Variants in FHIP1A observed in about 807,000 individuals in gnomAD.
The protein encoded by FHIP1A is FHF complex subunit HOOK-interacting protein 1A.
Under a neutral mutation model 88.6 loss-of-function variants are expected in FHIP1A, and 61 were observed. That is an observed-to-expected ratio of 0.69 (90% CI 0.56 to 0.85). The LOEUF (loss-of-function observed/expected upper bound fraction) is 0.85. Ranked by LOEUF, FHIP1A falls within the 40% of genes least tolerant of loss-of-function variation. The pLI is 0.00. For missense variants in FHIP1A, 1,154 were observed against 1,273.5 expected, an observed-to-expected ratio of 0.91 and a Z score of 1.43; for synonymous variants, 478 against 496.0, an observed-to-expected ratio of 0.96 and a Z score of 0.48.
In FHIP1A at chr4:151,665,844, G is replaced by A. The variant is rs997769186; in HGVS notation, c.*3090G>A. On this transcript the variant is annotated 3_prime_UTR_variant, in exon 14 of 14. Coordinates refer to ENST00000435205, the MANE Select transcript of FHIP1A (RefSeq NM_001109977.3). Reference sequence around the variant, plus strand: ...TTTGGCATGCTTAAAGATATGGTCCGAGAGTGTGGACACTTCTCTATGTGA... The same window carrying A: ...TTTGGCATGCTTAAAGATATGGTCCAAGAGTGTGGACACTTCTCTATGTGA... Among the ~76,000 whole-genome samples the A allele has an allele frequency of 7.2e-5, 11 of 152,364 alleles. No individual in the cohort carries two copies. Among genetic ancestry groups the A allele is most frequent in the African/African-American group, 2.2e-4 (9 of 41,582 alleles).
At chr4:151,541,081 G>A (rs967765296) in intron 3 of FHIP1A, among the ~76,000 whole-genome samples, 3 of 152,136 alleles carry the variant, frequency 2.0e-5, no homozygotes, top group Non-Finnish European at 4.4e-5. Context: ...TTTCTCTAGG[G>A]TGTTCATCTC....
intron 2 of FHIP1A, among the ~76,000 whole-genome samples, chr4:151,476,794 T>C (rs994366706): frequency 6.6e-6 from 1 of 152,184 alleles, no homozygotes; most frequent in African/African-American, 2.4e-5. Context: ...AATCTATAAA[T>C]GTGCCTGGAT....
chr4:151,607,721 C>A lies in FHIP1A; in HGVS notation c.978+18795C>A, dbSNP rs1489370263. Among the ~76,000 whole-genome samples, 3 of 152,034 alleles carry A rather than the reference C, an allele frequency of 2.0e-5. No individual in the cohort carries two copies. In the East Asian group the frequency reaches 5.8e-4, roughly 29 times the overall value. On this transcript the variant is annotated intron_variant, in intron 7 of 13. Coordinates refer to ENST00000435205, the MANE Select transcript of FHIP1A (RefSeq NM_001109977.3). ...TATGTATAATCTAGGGATAATAATA[C>A]CTACCTTATCGGGCTTTTGTAAAGA...
chr4:151,443,385 A>G lies in FHIP1A; in HGVS notation c.-355-11316A>G, dbSNP rs1008351754. ...CAGGCTGGATCGCAATGGTGTGATC[A>G]TAGAACTCCTGGATTTAAGGGATCC... is the stretch of plus-strand genomic sequence containing the variant. On this transcript the variant is annotated intron_variant, in intron 1 of 13. Coordinates refer to ENST00000435205, the MANE Select transcript of FHIP1A (RefSeq NM_001109977.3). Among the ~76,000 whole-genome samples the G allele has an allele frequency of 2.0e-5, 3 of 152,122 alleles. No homozygotes were observed. In the South Asian group the frequency reaches 6.2e-4, roughly 32 times the overall value.
chr4:151,589,066 C>T, intron 7 of FHIP1A, 140 bp downstream of exon 7: 1 of 658,710 alleles, frequency 1.5e-6, no homozygotes, highest in South Asian at 1.9e-5. Flanking sequence ...TTAGCAATAT[C>T]AAACACAGGT....
chr4:151,540,218 T>A (rs1732234299), intron 3 of FHIP1A, among the ~76,000 whole-genome samples: 1 of 152,224 alleles, frequency 6.6e-6, no homozygotes, highest in Non-Finnish European at 1.5e-5. Context: ...TCTCTTAATC[T>A]ACAAACCATC....
At chr4:151,571,946 G>T (rs1003449066) in intron 4 of FHIP1A, among the ~76,000 whole-genome samples, 75 of 152,194 alleles carry the variant, frequency 4.9e-4, no homozygotes, top group African/African-American at 1.8e-3. Flanking sequence ...AGTGGCTCTT[G>T]CCTGTAATCC....
intron 3 of FHIP1A, among the ~76,000 whole-genome samples, chr4:151,502,927 T>C (rs1486691992): frequency 2.0e-4 from 30 of 152,220 alleles, no homozygotes; most frequent in Admixed American, 2.0e-3. Flanking sequence ...ATGACCGTTA[T>C]ACTGAAACAT....
At chr4:151,522,638 C>T (rs920731032) in intron 3 of FHIP1A, among the ~76,000 whole-genome samples, 2 of 152,188 alleles carry the variant, frequency 1.3e-5, no homozygotes, top group African/African-American at 4.8e-5. Context: ...AAAAACAAAA[C>T]CCAAAACCAT....
intron 13 of FHIP1A, among the ~76,000 whole-genome samples, chr4:151,660,018 T>C (rs1391757761): frequency 2.0e-5 from 3 of 152,248 alleles, no homozygotes. Context: ...TACTGGGCAC[T>C]GATTCTAGAA....
rs1737571588 is a variant in FHIP1A, at chr4:151,663,991, A to AT, written c.*1238dup. Among the ~76,000 whole-genome samples, 1 of 152,220 alleles carries AT rather than the reference A, an allele frequency of 6.6e-6. No individual in the cohort carries two copies. The highest frequency in any genetic ancestry group is 6.5e-5 in the Admixed American group (1 of 15,284). On this transcript the variant is annotated 3_prime_UTR_variant, in exon 14 of 14. Coordinates refer to ENST00000435205, the MANE Select transcript of FHIP1A (RefSeq NM_001109977.3). ...CAGGATTATACTTAGAGCCACAGCC[A>AT]TGTTAAACCACCACCAAGAGGGGAA... is the stretch of plus-strand genomic sequence containing the variant.
chr4:151,505,206 T>C (rs1485112592), intron 3 of FHIP1A, among the ~76,000 whole-genome samples: 6 of 152,160 alleles, frequency 3.9e-5, no homozygotes, highest in Admixed American at 6.5e-5. Flanking sequence ...ATCATTTGCT[T>C]CTCCCTGAAC....
chr4:151,549,668 G>T (rs1019452932), intron 3 of FHIP1A, among the ~76,000 whole-genome samples: 1 of 152,034 alleles, frequency 6.6e-6, no homozygotes, highest in Non-Finnish European at 1.5e-5. Flanking sequence ...GGGCTGCTCT[G>T]CCTATGGAGT....
At chr4:151,600,277 A>G (rs1734812585) in intron 7 of FHIP1A, among the ~76,000 whole-genome samples, 1 of 152,240 alleles carries the variant, frequency 6.6e-6, no homozygotes, top group African/African-American at 2.4e-5. Flanking sequence ...GAAGTAACAC[A>G]TATCATTTCT....
At position 151,558,502 on chromosome 4, in the gene FHIP1A, C is replaced by T. The variant is rs1167835909; in HGVS notation, c.-122-7636C>T. The stretch of plus-strand genomic sequence containing the variant: ...GTGAACCGAGATGCGTCACTGTACT[C>T]CAGCCTGATAACAGAGCAACATCCT... On this transcript the variant is annotated intron_variant, in intron 3 of 13. Coordinates refer to ENST00000435205, the MANE Select transcript of FHIP1A (RefSeq NM_001109977.3). Among the ~76,000 whole-genome samples the T allele has an allele frequency of 2.6e-5, 4 of 151,952 alleles. No homozygotes were observed. In the East Asian group the frequency reaches 7.7e-4, roughly 29 times the overall value.
Position 151,577,817 on chromosome 4 carries a change from TGGA to T in FHIP1A, c.478_480del (p.Glu160del). The T allele has an allele frequency of 6.4e-7, 1 of 1,552,092 alleles. No homozygotes were observed. ...TGTTCAGGAACAACCACCCCCACTG[TGGA>T]GGAGAAGCTGGTTGTCCTACTCAAT... On this transcript the variant is annotated inframe_deletion, in exon 5 of 14. Transcript: ENST00000435205.
chr4:151,608,250 G>T (rs1177107949), intron 7 of FHIP1A, among the ~76,000 whole-genome samples: 1 of 151,262 alleles, frequency 6.6e-6, no homozygotes, highest in Non-Finnish European at 1.5e-5. Flanking sequence ...TCACCATGTT[G>T]GCCAGGCTGG....
chr4:151,436,365 A>G (rs1365923704), intron 1 of FHIP1A: 5 of 152,132 alleles, frequency 3.3e-5, no homozygotes, highest in African/African-American at 1.2e-4. Context: ...TCTTTGAGCA[A>G]CTGGTTTATT....
chr4:151,520,483 A>T (rs1269392424), intron 3 of FHIP1A, among the ~76,000 whole-genome samples: 1 of 152,166 alleles, frequency 6.6e-6, no homozygotes, highest in Non-Finnish European at 1.5e-5. Flanking sequence ...ATCATATGGA[A>T]TCACTTTGCC....
Sources: allele counts gnomAD v4.1 joint callset (sites outside exome capture counted in the v4.1 genomes callset), GRCh38; gene constraint gnomAD v4.1.1; transcripts MANE v1.5; gene names NCBI Gene and HGNC (gene_info 2026-07-23, HGNC 2026-07-21).